Variants in KL observed in about 807,000 individuals in gnomAD.
The protein encoded by KL is klotho.
A neutral mutation model predicts 84.2 loss-of-function variants in KL; 62 were observed. The observed-to-expected ratio is 0.74, with a 90% CI of 0.60 to 0.91. KL has a LOEUF of 0.91. Ranked by LOEUF, KL falls within the 40% of genes least tolerant of loss-of-function variation. KL has a pLI of 0.00. For synonymous variants in KL, 528 were observed against 528.0 expected (o/e 1.00, Z 0.00); for missense variants, 1,261 against 1,305.7 (o/e 0.97, Z 0.53).
At position 33,061,373 on chromosome 13, in the gene KL, T is replaced by C. The variant is rs769672418; in HGVS notation, c.2294T>C (p.Phe765Ser). ...FDIGWLAEPI[F>S]GSGDYPWVMR... is the part of the protein sequence containing the mutation. Reference sequence around the variant, plus strand: ...ATTGGCTGGCTGGCTGAGCCCATTTTCGGCTCTGGAGATTATCCATGGGTG... The same window carrying C: ...ATTGGCTGGCTGGCTGAGCCCATTTCCGGCTCTGGAGATTATCCATGGGTG... Residue 765 changes from phenylalanine (F) to serine (S), a missense_variant, in exon 4 of 5, where the codon TTC becomes TCC. Phe to Ser is a radical substitution (Grantham distance 155). Transcript: ENST00000380099. The C allele has an allele frequency of 4.3e-6, 7 of 1,614,100 alleles. No individual in the cohort carries two copies. The highest frequency in any genetic ancestry group is 5.9e-6 in the Non-Finnish European group (7 of 1,180,040).
At chr13:33,049,259 C>A (rs1456050430) in intron 1 of KL, among the ~76,000 whole-genome samples, 1 of 152,102 alleles carries the variant, frequency 6.6e-6, no homozygotes, top group Non-Finnish European at 1.5e-5. Context: ...CCTGCTTCAG[C>A]CCAGAAAAAT....
chr13:33,064,575 A>G lies in KL; in HGVS notation c.*389A>G. ...TTTTTCTGGAAGTAGTAATTGCAAG[A>G]GTTCGAATAGAAAGTTATGTACCAA... On this transcript the variant is annotated 3_prime_UTR_variant, in exon 5 of 5. Coordinates refer to ENST00000380099, the MANE Select transcript of KL (RefSeq NM_004795.4). The G allele has an allele frequency of 1.1e-5, 3 of 277,732 alleles. No individual in the cohort carries two copies. In the Admixed American group the frequency reaches 1.4e-4, roughly 13 times the overall value. The allele number at this position is 277,732 out of a possible 1,614,324, so 17.2% of individuals were successfully genotyped here. A position where few individuals can be genotyped will look rare whatever the true frequency, so the allele number is the denominator to read the frequency against.
intron 1 of KL, among the ~76,000 whole-genome samples, chr13:33,023,428 T>C (rs1202535520): frequency 2.0e-5 from 3 of 152,230 alleles, no homozygotes; most frequent in East Asian, 1.9e-4. Context: ...GAAGGAATCA[T>C]ACAAATGCAT....
intron 1 of KL, among the ~76,000 whole-genome samples, chr13:33,051,401 G>T (rs1407893538): frequency 6.6e-6 from 1 of 152,070 alleles, no homozygotes; most frequent in Non-Finnish European, 1.5e-5. Context: ...AAATTAGCCA[G>T]GTGCCTGTAG....
At chr13:33,029,776 G>A (rs1183169115) in intron 1 of KL, among the ~76,000 whole-genome samples, 2 of 152,158 alleles carry the variant, frequency 1.3e-5, no homozygotes, top group African/African-American at 2.4e-5. Flanking sequence ...TGGGACTACA[G>A]GCACCTGCCG....
intron 1 of KL, among the ~76,000 whole-genome samples, chr13:33,023,745 G>A (rs1243082017): frequency 6.6e-6 from 1 of 151,990 alleles, no homozygotes; most frequent in Non-Finnish European, 1.5e-5. Flanking sequence ...TCCATGAACC[G>A]GTATCATTAT....
intron 1 of KL, among the ~76,000 whole-genome samples, chr13:33,018,348 C>T (rs1202630589): frequency 6.6e-6 from 1 of 152,186 alleles, no homozygotes; most frequent in Non-Finnish European, 1.5e-5. Context: ...AGTACTAAAA[C>T]CATTTCTAAA....
chr13:33,063,487 A>G (rs1485618143), intron 4 of KL, among the ~76,000 whole-genome samples: 1 of 152,146 alleles, frequency 6.6e-6, no homozygotes, highest in African/African-American at 2.4e-5. Context: ...GGCTACGTAA[A>G]AGTGGCCGGG....
intron 3 of KL, among the ~76,000 whole-genome samples, chr13:33,056,708 G>A (rs1310416713): frequency 1.3e-5 from 2 of 152,038 alleles, no homozygotes; most frequent in Non-Finnish European, 2.9e-5. Context: ...CTGGAGGCTG[G>A]GGCAGGAGAA....
At position 33,016,493 on chromosome 13, in the gene KL, C is replaced by G. The variant is rs1329232508; in HGVS notation, c.53C>G (p.Ser18Trp). The G allele has an allele frequency of 7.5e-6, 9 of 1,204,144 alleles. No homozygotes were observed. The highest frequency in any genetic ancestry group is 6.7e-5 in the East Asian group (2 of 29,678). 74.6% of individuals were successfully genotyped at this position (1,204,144 alleles called of 1,614,324 possible). ...RRPRPPPPSL[S>W]LLLVLLGLGG... ...CCGCGGCCGCCGCCGCCGTCGCTGT[C>G]GCTGCTGCTGGTGCTGCTGGGCCTG... The change falls in exon 1 of 5, where the codon TCG becomes TGG. Residue 18 changes from serine to tryptophan, a missense_variant. Transcript: ENST00000380099.
At position 33,053,824 on chromosome 13, in the gene KL, C is replaced by G; in HGVS notation, c.877C>G (p.Gln293Glu). The part of the protein sequence containing the change: ...NTSFRPTQGG[Q>E]VSIALSSHWI... ...TTCTTTCCGTCCCACTCAGGGAGGT[C>G]AGGTGTCCATTGCCCTAAGCTCTCA... The change falls in exon 2 of 5, where the codon CAG becomes GAG. Residue 293 changes from glutamine to glutamate, a missense_variant. Coordinates refer to ENST00000380099, the MANE Select transcript of KL (RefSeq NM_004795.4). 1 of 1,614,066 alleles carries G rather than the reference C, an allele frequency of 6.2e-7. No individual in the cohort carries two copies. The highest frequency in any genetic ancestry group is 8.5e-7 in the Non-Finnish European group (1 of 1,179,966).
At chr13:33,063,748 G>A (rs1478400504) in intron 4 of KL, 101 bp from the exon 5 acceptor site, 2 of 1,060,162 alleles carry the variant, frequency 1.9e-6, no homozygotes, top group Non-Finnish European at 2.9e-6. Flanking sequence ...TTGCACTCCA[G>A]CCTGTGTGAC....
rs1418811746 is a variant in KL, at chr13:33,054,076, T to G, written c.1129T>G (p.Phe377Val). ...TCTTTGCTTTGGACCCACCTTGAGTTTTCAACTTTTGGACCCTCACATGAA... is the reference window on the plus strand; with the variant it reads ...TCTTTGCTTTGGACCCACCTTGAGTGTTCAACTTTTGGACCCTCACATGAA... ...FALCFGPTLSFQLLDPHMKFR... is the reference protein window; with the variant it reads ...FALCFGPTLSVQLLDPHMKFR... Residue 377 changes from phenylalanine (F) to valine (V), a missense_variant, in exon 2 of 5, where the codon TTT becomes GTT. Transcript: ENST00000380099. 1.2e-6 allele frequency: 2 copies of G among 1,613,938 alleles called. No homozygotes were observed. Among genetic ancestry groups the G allele is most frequent in the Admixed American group, 3.3e-5 (2 of 59,994 alleles).
intron 3 of KL, among the ~76,000 whole-genome samples, chr13:33,057,530 A>C (rs1189466346): frequency 6.6e-6 from 1 of 152,040 alleles, no homozygotes; most frequent in East Asian, 1.9e-4. Context: ...GTCAGCCACT[A>C]ATTGGCCCCA....
chr13:33,049,809 C>T (rs1322723053), intron 1 of KL, among the ~76,000 whole-genome samples: 1 of 152,072 alleles, frequency 6.6e-6, no homozygotes, highest in African/African-American at 2.4e-5. Flanking sequence ...GCCATTTTCC[C>T]TTTTTGAATT....
intron 1 of KL, 109 bp from the exon 2 acceptor site, chr13:33,053,658 A>C: frequency 9.5e-7 from 1 of 1,047,890 alleles, no homozygotes; most frequent in Admixed American, 1.9e-5. Flanking sequence ...GTTAGTCATT[A>C]AGTTAGGCTT....
chr13:33,016,931 T>A lies in KL; in HGVS notation c.491T>A (p.Val164Asp), dbSNP rs1261301393. The A allele has an allele frequency of 6.2e-7, 1 of 1,609,274 alleles. No individual in the cohort carries two copies. The highest frequency in any genetic ancestry group is 8.5e-7 in the Non-Finnish European group (1 of 1,179,014). Residue 164 changes from valine (V) to aspartate (D), a missense_variant, in exon 1 of 5, where the codon GTC (valine) becomes GAC (aspartate). Coordinates refer to ENST00000380099, the MANE Select transcript of KL (RefSeq NM_004795.4). ...GTGCTCCCCAATGGCAGCGCGGGCG[T>A]CCCCAACCGCGAGGGGCTGCGCTAC... Reference protein sequence around the residue: ...ARVLPNGSAGVPNREGLRYYR... With the variant: ...ARVLPNGSAGDPNREGLRYYR...
chr13:33,037,811 C>T (rs1265987676), intron 1 of KL, among the ~76,000 whole-genome samples: 1 of 151,958 alleles, frequency 6.6e-6, no homozygotes, highest in African/African-American at 2.4e-5. Flanking sequence ...TCCCATTTGT[C>T]CCAGCCAACA....
At chr13:33,061,833 T>C in intron 4 of KL, 53 bp downstream of exon 4, 1 of 1,574,598 alleles carries the variant, frequency 6.4e-7, no homozygotes, top group South Asian at 1.1e-5. Flanking sequence ...CCAGAGGGCA[T>C]GACACTTGAT....
Sources: allele counts gnomAD v4.1 joint callset (sites outside exome capture counted in the v4.1 genomes callset), GRCh38; gene constraint gnomAD v4.1.1; transcripts MANE v1.5; gene names NCBI Gene and HGNC (gene_info 2026-07-23, HGNC 2026-07-21).